Variants in SLIT2 observed in about 807,000 individuals in gnomAD.
The protein encoded by SLIT2 is slit homolog 2 protein.
Under a neutral mutation model 185.7 loss-of-function variants are expected in SLIT2, and 41 were observed. The ratio of observed to expected loss-of-function variants is 0.22; its 90% CI spans 0.17 to 0.29. The LOEUF is 0.29. Ranked by LOEUF, SLIT2 falls within the 10% of genes least tolerant of loss-of-function variation. The pLI is 1.00. For synonymous variants in SLIT2, 693 were observed against 680.2 expected (o/e 1.02, Z -0.29); for missense variants, 1,571 against 1,909.0 (o/e 0.82, Z 3.30).
chr4:20,510,206 T>C (rs1719578690), intron 9 of SLIT2, among the ~76,000 whole-genome samples: 1 of 152,176 alleles, frequency 6.6e-6, no homozygotes, highest in Non-Finnish European at 1.5e-5. Context: ...TAAGTTAGTT[T>C]CTTAAAGGTA....
intron 33 of SLIT2, among the ~76,000 whole-genome samples, chr4:20,608,767 A>C (rs972252859): frequency 6.6e-6 from 1 of 152,168 alleles, no homozygotes; most frequent in Non-Finnish European, 1.5e-5. Flanking sequence ...TTTTTCTATC[A>C]TTCCCTAGAC....
At chr4:20,386,505 G>A (rs540108101) in intron 4 of SLIT2, among the ~76,000 whole-genome samples, 11 of 152,232 alleles carry the variant, frequency 7.2e-5, no homozygotes, top group African/African-American at 2.2e-4. Flanking sequence ...ATGAAGCCCT[G>A]CAAATTGAAT....
intron 4 of SLIT2, among the ~76,000 whole-genome samples, chr4:20,387,826 A>G (rs1188514030): frequency 1.3e-5 from 2 of 152,080 alleles, no homozygotes; most frequent in Non-Finnish European, 2.9e-5. Flanking sequence ...GTTCTCCCCT[A>G]TGCCTCCAGT....
chr4:20,617,116 G>T lies in SLIT2; in HGVS notation c.4054G>T (p.Ala1352Ser), dbSNP rs1331011448. The T allele has an allele frequency of 3.1e-6, 5 of 1,611,328 alleles. No homozygotes were observed. The East Asian group carries it at 6.7e-5, about 22-fold the overall frequency. ...TGGCACATGCCAGCCCAGCAGCCAG[G>T]CAGGCTTCACCTGCGAGTGCCAGGA... ...AHGTCQPSSQ[A>S]GFTCECQEGW... The change falls in exon 35 of 37, where the codon GCA becomes TCA. Residue 1352 changes from alanine (A) to serine (S), a missense_variant. This residue lies in a region of SLIT2 where 223 missense variants were observed against 245.2 expected (regional missense o/e 0.91). Coordinates refer to ENST00000504154, the MANE Select transcript of SLIT2 (RefSeq NM_004787.4).
chr4:20,336,607 C>A (rs1007082391), intron 4 of SLIT2, among the ~76,000 whole-genome samples: 1 of 152,040 alleles, frequency 6.6e-6, no homozygotes, highest in African/African-American at 2.4e-5. Flanking sequence ...GTGCAGCACA[C>A]CAACATGGCA....
chr4:20,352,411 G>T (rs1721959444), intron 4 of SLIT2, among the ~76,000 whole-genome samples: 1 of 151,884 alleles, frequency 6.6e-6, no homozygotes, highest in South Asian at 2.1e-4. Flanking sequence ...TTCCAACCCA[G>T]ATTAATACAG....
At chr4:20,441,519 GTCTC>G (rs376556054) in intron 4 of SLIT2, among the ~76,000 whole-genome samples, 2,926 of 107,902 alleles carry the variant, frequency 0.027, 77 homozygotes, top group African/African-American at 0.058. Flanking sequence ...CCCCACTTCT[GTCTC>G]TCTCTCTCTC....
intron 4 of SLIT2, among the ~76,000 whole-genome samples, chr4:20,281,802 A>G (rs1714801292): frequency 6.6e-6 from 1 of 152,190 alleles, no homozygotes. Flanking sequence ...TACTGCAGCA[A>G]ATAATGTGTT....
At chr4:20,491,946 C>A in intron 9 of SLIT2, 47 bp downstream of exon 9, 2 of 1,584,208 alleles carry the variant, frequency 1.3e-6, no homozygotes, top group South Asian at 1.1e-5. Flanking sequence ...CCCGGTGAAC[C>A]AAACTTTGAT....
chr4:20,483,857 A>C (rs753183512), intron 6 of SLIT2, among the ~76,000 whole-genome samples: 5 of 152,244 alleles, frequency 3.3e-5, no homozygotes, highest in East Asian at 1.9e-4. Flanking sequence ...TTCAGAATGG[A>C]AGTTGACCAT....
In SLIT2 at chr4:20,603,486, C is replaced by G. The variant is rs191701167; in HGVS notation, c.3692+5091C>G. 1.3e-5 allele frequency among the ~76,000 whole-genome samples: 2 copies of G among 152,284 alleles called. 1 individual carries two copies. The highest frequency in any genetic ancestry group is 3.9e-4 in the East Asian group (2 of 5,190). On this transcript the variant is annotated intron_variant, in intron 33 of 36. Coordinates refer to ENST00000504154, the MANE Select transcript of SLIT2 (RefSeq NM_004787.4). ...TATTCTCAAGTAGGCTAATAATCTG[C>G]TCTTTCAAAGTGAGTTTCTTTTCAT...
At chr4:20,584,260 C>T (rs2168802) in intron 29 of SLIT2, among the ~76,000 whole-genome samples, 39,301 of 152,046 alleles carry the variant, frequency 0.26, 5,518 homozygotes, top group African/African-American at 0.36. Context: ...TGCATACAAC[C>T]GTAGAAGGCC....
At chr4:20,503,729 T>C (rs1718948160) in intron 9 of SLIT2, among the ~76,000 whole-genome samples, 1 of 152,148 alleles carries the variant, frequency 6.6e-6, no homozygotes, top group Non-Finnish European at 1.5e-5. Context: ...AAATGGAAAA[T>C]GAGGCGTTTC....
chr4:20,356,987 GA>G (rs970689184), intron 4 of SLIT2, among the ~76,000 whole-genome samples: 3 of 152,028 alleles, frequency 2.0e-5, no homozygotes, highest in South Asian at 2.1e-4. Flanking sequence ...CAAAAACTTT[GA>G]AAAAAATATG....
chr4:20,464,320 G>A (rs752093562), intron 4 of SLIT2, among the ~76,000 whole-genome samples: 10 of 152,020 alleles, frequency 6.6e-5, no homozygotes, highest in Non-Finnish European at 1.0e-4. Context: ...TCCTCCTCCC[G>A]ACTATCACCT....
At chr4:20,513,858 C>G (rs147721177) in intron 11 of SLIT2, among the ~76,000 whole-genome samples, 1 of 151,982 alleles carries the variant, frequency 6.6e-6, no homozygotes, top group Non-Finnish European at 1.5e-5. Flanking sequence ...ACAGAGGGAA[C>G]GGTTAAGTAC....
intron 9 of SLIT2, 141 bp downstream of exon 9, chr4:20,492,040 C>T (rs999825423): frequency 1.4e-5 from 10 of 731,376 alleles, no homozygotes; most frequent in Non-Finnish European, 1.5e-5. Flanking sequence ...TGTATTGATT[C>T]TTACTCTGAT....
At chr4:20,518,118 C>CATATATTT (rs1396881057) in intron 11 of SLIT2, among the ~76,000 whole-genome samples, 1 of 139,746 alleles carries the variant, frequency 7.2e-6, no homozygotes, top group South Asian at 2.2e-4. Context: ...TATACATATA[C>CATATATTT]ATATATATAC....
intron 32 of SLIT2, among the ~76,000 whole-genome samples, chr4:20,597,123 T>C (rs1728049398): frequency 6.6e-6 from 1 of 150,896 alleles, no homozygotes. Context: ...TGGAGTTCAG[T>C]GGCGTGATCT....
Sources: gnomAD v4.1 joint callset for allele counts (sites outside exome capture counted in the v4.1 genomes callset) on GRCh38, gnomAD v4.1.1 for gene constraint, gnomAD v4.1.1 regional missense constraint, MANE v1.5 for transcripts, NCBI Gene and HGNC (gene_info 2026-07-23, HGNC 2026-07-21) for gene names.